Variants in DHTKD1 observed in about 807,000 individuals in gnomAD.
The protein encoded by DHTKD1 is 2-oxoadipate dehydrogenase complex component E1.
A neutral mutation model predicts 101.8 loss-of-function variants in DHTKD1; 78 were observed. That is an observed-to-expected ratio of 0.77 (90% CI 0.64 to 0.93). DHTKD1 has a LOEUF of 0.93. DHTKD1 is among the 40% of genes least tolerant of loss of function. DHTKD1 has a pLI of 0.00. For missense variants in DHTKD1, 1,223 were observed against 1,161.7 expected (o/e 1.05, Z -0.77); for synonymous variants, 462 against 450.3 (o/e 1.03, Z -0.33).
intron 5 of DHTKD1, among the ~76,000 whole-genome samples, chr10:12,090,247 C>T (rs535495489): frequency 3.7e-4 from 56 of 152,182 alleles, no homozygotes; most frequent in African/African-American, 1.3e-3. Context: ...ATCAAATATT[C>T]TATGTTTGTA....
intron 2 of DHTKD1, among the ~76,000 whole-genome samples, chr10:12,082,713 G>A (rs907644782): frequency 6.6e-6 from 1 of 151,480 alleles, no homozygotes; most frequent in African/African-American, 2.4e-5. Context: ...ACACGTTAAT[G>A]TGGAAAACAT....
At chr10:12,118,583 C>T (rs111426474) in intron 14 of DHTKD1, among the ~76,000 whole-genome samples, 166 bp from the exon 15 acceptor site, 112 of 151,934 alleles carry the variant, frequency 7.4e-4, no homozygotes, top group African/African-American at 2.3e-3. Flanking sequence ...AGGGTTTCAC[C>T]GTGTTAGCCA....
At chr10:12,086,433 A>T (rs750695491) in intron 3 of DHTKD1, among the ~76,000 whole-genome samples, 1 of 151,152 alleles carries the variant, frequency 6.6e-6, no homozygotes, top group African/African-American at 2.4e-5. Flanking sequence ...GTTAGTCAGG[A>T]TGGTCTCGAT....
In DHTKD1 at chr10:12,097,832, C is replaced by T. The variant is rs746725814; in HGVS notation, c.1507C>T (p.Leu503=). The change falls in exon 8 of 17, where the codon CTG becomes TTG. Residue 503 remains leucine (L), a synonymous_variant. Transcript: ENST00000263035. ...CATGGCCCACTACAGGCCCCCTGCC[C>T]TGAACCTGCAGGCCCACTGGCAGGG... is the stretch of plus-strand genomic sequence containing the variant. ...NNMAHYRPPA[L]NLQAHWQGLA... 1 of 1,614,244 alleles carries T rather than the reference C, an allele frequency of 6.2e-7. No individual in the cohort carries two copies. The highest frequency in any genetic ancestry group is 1.1e-5 in the South Asian group (1 of 91,090).
chr10:12,104,737 A>T (rs1833219147), intron 10 of DHTKD1, among the ~76,000 whole-genome samples: 1 of 152,038 alleles, frequency 6.6e-6, no homozygotes, highest in African/African-American at 2.4e-5. Flanking sequence ...ACCATCTGAG[A>T]GCTAGTTGCC....
At position 12,121,372 on chromosome 10, in the gene DHTKD1, T is replaced by C. The variant is rs1833525996; in HGVS notation, c.*484T>C. 1 of 155,570 alleles carries C rather than the reference T, an allele frequency of 6.4e-6. No homozygotes were observed. The highest frequency in any genetic ancestry group is 1.9e-4 in the South Asian group (1 of 5,202). The allele number at this position is 155,570 out of a possible 1,614,324, so 9.6% of individuals were successfully genotyped here. A position where few individuals can be genotyped will look rare whatever the true frequency, so the allele number is the denominator to read the frequency against. ...CAATAGGTGGAATAACCAGGGGAAC[T>C]GGTTATGAATATGTGAATGCAACCA... On this transcript the variant is annotated 3_prime_UTR_variant, in exon 17 of 17. Transcript: ENST00000263035.
intron 1 of DHTKD1, among the ~76,000 whole-genome samples, chr10:12,071,804 A>G (rs1564386169): frequency 6.6e-6 from 1 of 152,182 alleles, no homozygotes. Context: ...TTGGGATTAT[A>G]GGCGCGAGCC....
chr10:12,120,435 G>A (rs1554794975), intron 16 of DHTKD1, 168 bp downstream of exon 16: 2 of 569,070 alleles, frequency 3.5e-6, no homozygotes, highest in South Asian at 2.0e-5. Context: ...CCGGGTTCAC[G>A]CCATTCTCCT....
At chr10:12,088,677 A>G (rs946035749) in intron 4 of DHTKD1, among the ~76,000 whole-genome samples, 4 of 151,958 alleles carry the variant, frequency 2.6e-5, no homozygotes, top group African/African-American at 4.8e-5. Context: ...TCCGCCTCCC[A>G]GGTTCAAGTG....
chr10:12,095,208 C>CCAT (rs1318407911), intron 7 of DHTKD1, among the ~76,000 whole-genome samples: 1 of 152,114 alleles, frequency 6.6e-6, no homozygotes, highest in African/African-American at 2.4e-5. Flanking sequence ...AAGCCACTAG[C>CCAT]CATCAGTGGC....
chr10:12,114,651 C>T (rs1021964829), intron 13 of DHTKD1, among the ~76,000 whole-genome samples: 3 of 151,978 alleles, frequency 2.0e-5, no homozygotes, highest in East Asian at 1.9e-4. Context: ...TGAAATAAGA[C>T]GTTTAGAATT....
intron 1 of DHTKD1, among the ~76,000 whole-genome samples, chr10:12,075,654 G>A (rs1475814260): frequency 6.6e-6 from 1 of 152,124 alleles, no homozygotes; most frequent in Non-Finnish European, 1.5e-5. Flanking sequence ...ACAGGTGTGA[G>A]CCACAATGGC....
intron 1 of DHTKD1, among the ~76,000 whole-genome samples, chr10:12,075,510 G>A (rs181992002): frequency 1.3e-4 from 20 of 152,188 alleles, no homozygotes; most frequent in Non-Finnish European, 2.6e-4. Context: ...AAAGTGCTGG[G>A]ATTACAGGCA....
At chr10:12,109,998 T>C (rs568508954) in intron 12 of DHTKD1, among the ~76,000 whole-genome samples, 2 of 151,704 alleles carry the variant, frequency 1.3e-5, no homozygotes, top group South Asian at 4.2e-4. Flanking sequence ...CAGAACAGCT[T>C]TGAATGTAGC....
chr10:12,097,859 C>T lies in DHTKD1; in HGVS notation c.1534C>T (p.Leu512=), dbSNP rs1233530601. ...ALNLQAHWQG[L]AQPEAQITTW... is the part of the protein sequence containing the mutation. The stretch of plus-strand genomic sequence containing the variant: ...GAACCTGCAGGCCCACTGGCAGGGC[C>T]TGGCTCAGCCAGAAGCGCAAATCAC... Residue 512 remains leucine (L), a synonymous_variant, in exon 8 of 17, where the codon CTG becomes TTG. Coordinates refer to ENST00000263035, the MANE Select transcript of DHTKD1 (RefSeq NM_018706.7). 6.2e-7 allele frequency: 1 copy of T among 1,614,230 alleles called. No homozygotes were observed.
chr10:12,119,043 A>T (rs1833471397), intron 15 of DHTKD1, 125 bp downstream of exon 15: 1 of 897,402 alleles, frequency 1.1e-6, no homozygotes, highest in Admixed American at 3.3e-5. Flanking sequence ...GCGGTGGCTC[A>T]CACCTGTAAT....
rs1000903429 is a variant in DHTKD1 at position 12,110,788 on chromosome 10, C to T, written c.2155-2112C>T. Among the ~76,000 whole-genome samples, 8 of 152,010 alleles carry T rather than the reference C, an allele frequency of 5.3e-5. No individual in the cohort carries two copies. Among genetic ancestry groups the T allele is most frequent in the African/African-American group, 1.9e-4 (8 of 41,408 alleles). Reference sequence around the variant, plus strand: ...AGCATGGTGGCTCACACCTGTAATCCCAGCACTTTGGGAGGCCAAGGTGGG... The same window carrying T: ...AGCATGGTGGCTCACACCTGTAATCTCAGCACTTTGGGAGGCCAAGGTGGG... On this transcript the variant is annotated intron_variant, in intron 12 of 16. Transcript: ENST00000263035. This position sits in a 1 kb window ranked among gnomAD's most constrained non-coding sequence, Gnocchi z 4.9.
At chr10:12,073,370 A>G (rs1439149801) in intron 1 of DHTKD1, among the ~76,000 whole-genome samples, 1 of 151,258 alleles carries the variant, frequency 6.6e-6, no homozygotes, top group African/African-American at 2.4e-5. Context: ...TTTTTTGGAC[A>G]GGGTCTTGCT....
intron 2 of DHTKD1, 75 bp downstream of exon 2, chr10:12,081,702 G>A: frequency 6.4e-7 from 1 of 1,563,202 alleles, no homozygotes; most frequent in Admixed American, 1.7e-5. Flanking sequence ...TCTTGAAGAA[G>A]CAGCATCCCC....
Sources: gnomAD v4.1 joint callset for allele counts (sites outside exome capture counted in the v4.1 genomes callset) on GRCh38, gnomAD v4.1.1 for gene constraint, Gnocchi (gnomAD v3.1) non-coding constraint, MANE v1.5 for transcripts, NCBI Gene and HGNC (gene_info 2026-07-23, HGNC 2026-07-21) for gene names.